Variants in NAALADL2 observed in about 807,000 individuals in gnomAD.
NAALADL2 encodes the protein inactive N-acetylated-alpha-linked acidic dipeptidase-like protein 2.
A neutral mutation model predicts 87.2 loss-of-function variants in NAALADL2; 76 were observed. The ratio of observed to expected loss-of-function variants is 0.87; its 90% CI spans 0.72 to 1.05. NAALADL2 has a LOEUF of 1.05. Among genes scored for constraint, NAALADL2 ranks in the 50% least tolerant of loss-of-function variants. NAALADL2 has a pLI of 0.00. For missense variants in NAALADL2, 1,089 were observed against 945.8 expected, an observed-to-expected ratio of 1.15 and a Z score of -1.99; for synonymous variants, 354 against 331.0, an observed-to-expected ratio of 1.07 and a Z score of -0.75.
intron 9 of NAALADL2, among the ~76,000 whole-genome samples, chr3:175,502,462 A>G (rs192340443): frequency 5.0e-4 from 76 of 152,302 alleles, no homozygotes; most frequent in African/African-American, 1.8e-3. Context: ...CTGGGACGTC[A>G]GTCTTTTCCA....
intron 5 of NAALADL2, among the ~76,000 whole-genome samples, chr3:175,327,148 CTTTTTTTT>C (rs35198621): frequency 0.036 from 3,617 of 99,618 alleles, 168 homozygotes; most frequent in African/African-American, 0.14. Context: ...GTCTACATTT[CTTTTTTTT>C]TTTTTTTTTT....
At chr3:175,463,073 C>T (rs1237758487) in intron 6 of NAALADL2, among the ~76,000 whole-genome samples, 1 of 151,876 alleles carries the variant, frequency 6.6e-6, no homozygotes, top group Non-Finnish European at 1.5e-5. Context: ...ATATGAGTTC[C>T]CCACATCTCC....
intron 11 of NAALADL2, among the ~76,000 whole-genome samples, chr3:175,659,654 T>A (rs1389573597): frequency 6.6e-6 from 1 of 152,206 alleles, no homozygotes; most frequent in Admixed American, 6.5e-5. Flanking sequence ...CTAAATTCAG[T>A]ATTGGCTTTA....
chr3:175,012,542 A>T (rs1195481981), intron 1 of NAALADL2, among the ~76,000 whole-genome samples: 3 of 152,034 alleles, frequency 2.0e-5, no homozygotes, highest in Admixed American at 6.6e-5. Flanking sequence ...CAGTAAAATA[A>T]TTTTTTTATT....
chr3:175,231,028 T>A (rs554976614), intron 2 of NAALADL2, among the ~76,000 whole-genome samples: 1 of 151,966 alleles, frequency 6.6e-6, no homozygotes, highest in Non-Finnish European at 1.5e-5. Context: ...TTAGGAAAAC[T>A]GATTAAAAAC....
intron 1 of NAALADL2, among the ~76,000 whole-genome samples, chr3:174,890,764 G>A (rs1730773010): frequency 6.6e-6 from 1 of 152,086 alleles, no homozygotes; most frequent in Admixed American, 6.6e-5. Context: ...CAGGGTGTAT[G>A]TGGTCAAACT....
chr3:174,859,210 A>G (rs1326335216), upstream of NAALADL2: 2 of 566,886 alleles, frequency 3.5e-6, no homozygotes, highest in Non-Finnish European at 6.3e-6. Flanking sequence ...CAGTGGATCA[A>G]AAGATATGAT....
intron 1 of NAALADL2, among the ~76,000 whole-genome samples, chr3:174,871,836 T>A (rs1402873375): frequency 6.6e-6 from 1 of 151,868 alleles, no homozygotes; most frequent in Non-Finnish European, 1.5e-5. Flanking sequence ...GAGGTGGAGG[T>A]TGCACTGAGC....
chr3:174,491,232 C>T (rs1389531831), intron 1 of NAALADL2, among the ~76,000 whole-genome samples: 1 of 151,946 alleles, frequency 6.6e-6, no homozygotes, highest in African/African-American at 2.4e-5. Flanking sequence ...TCATTTTTAC[C>T]ATTATATAAA....
chr3:174,531,800 T>A (rs1484154770), intron 1 of NAALADL2, among the ~76,000 whole-genome samples: 1 of 152,194 alleles, frequency 6.6e-6, no homozygotes, highest in Non-Finnish European at 1.5e-5. Flanking sequence ...ACGGATTACC[T>A]GTCTGCATTG....
At chr3:174,667,639 T>G (rs1266670036) in intron 2 of NAALADL2, among the ~76,000 whole-genome samples, 1 of 148,968 alleles carries the variant, frequency 6.7e-6, no homozygotes, top group East Asian at 2.1e-4. Flanking sequence ...TGGGCATACT[T>G]TGGGTTGTAA....
At chr3:174,544,727 C>G (rs1722577906) in intron 1 of NAALADL2, among the ~76,000 whole-genome samples, 1 of 151,472 alleles carries the variant, frequency 6.6e-6, no homozygotes, top group East Asian at 1.9e-4. Flanking sequence ...CGCGTCACCA[C>G]ACCCAGCTAA....
At chr3:175,110,451 G>C (rs1724004373) in intron 2 of NAALADL2, among the ~76,000 whole-genome samples, 1 of 151,854 alleles carries the variant, frequency 6.6e-6, no homozygotes, top group South Asian at 2.1e-4. Context: ...CCCTTCGTAT[G>C]TATAGGGACA....
At chr3:175,781,531 T>G (rs1430476675) in intron 13 of NAALADL2, among the ~76,000 whole-genome samples, 3 of 151,306 alleles carry the variant, frequency 2.0e-5, no homozygotes, top group African/African-American at 7.3e-5. Flanking sequence ...AATCCTAGTT[T>G]ATGTACTTAC....
chr3:174,733,940 G>C (rs1461000508), intron 2 of NAALADL2, among the ~76,000 whole-genome samples: 3 of 152,044 alleles, frequency 2.0e-5, no homozygotes, highest in Non-Finnish European at 2.9e-5. Context: ...GAGGCCTGGT[G>C]GGGGGTCCTT....
At chr3:175,478,822 C>T (rs747915965) in intron 9 of NAALADL2, among the ~76,000 whole-genome samples, 5 of 151,234 alleles carry the variant, frequency 3.3e-5, no homozygotes, top group Non-Finnish European at 5.9e-5. Flanking sequence ...ATCATTAATG[C>T]AGTACAGTAC....
intron 1 of NAALADL2, among the ~76,000 whole-genome samples, chr3:174,926,192 G>A (rs1275110135): frequency 1.3e-5 from 2 of 152,132 alleles, no homozygotes; most frequent in African/African-American, 4.8e-5. Flanking sequence ...AAGCCTCCAG[G>A]AAATATGGGA....
intron 1 of NAALADL2, among the ~76,000 whole-genome samples, chr3:174,997,165 T>C (rs1747611086): frequency 6.6e-6 from 1 of 152,002 alleles, no homozygotes; most frequent in Non-Finnish European, 1.5e-5. Context: ...GTCTTTTTCA[T>C]ATAATGACTT....
intron 2 of NAALADL2, among the ~76,000 whole-genome samples, chr3:174,701,019 C>G (rs1377534928): frequency 6.6e-6 from 1 of 152,046 alleles, no homozygotes; most frequent in Non-Finnish European, 1.5e-5. Flanking sequence ...ATTAAAGAAA[C>G]AGTCATGAAG....
Sources: gnomAD v4.1 joint callset for allele counts (sites outside exome capture counted in the v4.1 genomes callset) on GRCh38, gnomAD v4.1.1 for gene constraint, MANE v1.5 for transcripts, NCBI Gene and HGNC (gene_info 2026-07-23, HGNC 2026-07-21) for gene names.